THSD7B: variants seen among roughly 807,000 people sequenced by gnomAD.
The protein encoded by THSD7B is thrombospondin type 1 domain containing 7B, also known as thrombospondin type-1 domain-containing protein 7B.
A neutral mutation model predicts 213.6 loss-of-function variants in THSD7B; 138 were observed. The observed-to-expected ratio is 0.65, with a 90% confidence interval of 0.56 to 0.74. The LOEUF (loss-of-function observed/expected upper bound fraction) is 0.74, where lower values mean the gene tolerates loss of function less well. THSD7B is among the 30% of genes least tolerant of loss of function. The pLI, the probability that THSD7B is intolerant of heterozygous loss-of-function variation, is 0.00. For missense variants in THSD7B, 1,931 were observed against 1,991.5 expected, an observed-to-expected ratio of 0.97 and a Z score of 0.58; for synonymous variants, 742 against 687.0, an observed-to-expected ratio of 1.08 and a Z score of -1.25.
At chr2:137,670,267 T>C (rs1683533990) in intron 27 of THSD7B, among the ~76,000 whole-genome samples, 1 of 152,150 alleles carries the variant, frequency 6.6e-6, no homozygotes, top group African/African-American at 2.4e-5. Flanking sequence ...GGATCAGCCC[T>C]TTCCTACTCA....
At chr2:137,183,261 T>A (rs1680489066) in intron 7 of THSD7B, among the ~76,000 whole-genome samples, 1 of 152,146 alleles carries the variant, frequency 6.6e-6, no homozygotes, top group Admixed American at 6.6e-5. Flanking sequence ...CCCTGTGCAC[T>A]GCCCCAATGT....
At chr2:137,314,587 T>G (rs375409205) in intron 12 of THSD7B, among the ~76,000 whole-genome samples, 2 of 152,236 alleles carry the variant, frequency 1.3e-5, no homozygotes, top group Admixed American at 6.5e-5. Flanking sequence ...GGTGCTCTGC[T>G]TTTTAGAGTT....
intron 1 of THSD7B, among the ~76,000 whole-genome samples, chr2:136,818,631 G>C (rs1350825756): frequency 3.3e-5 from 5 of 152,166 alleles, no homozygotes; most frequent in Admixed American, 2.0e-4. Flanking sequence ...CCTGGAATGG[G>C]TTAGGAATTG....
rs72977515 is a variant in THSD7B, at chr2:136,826,630, T to C, written c.-35-55514T>C. On this transcript the variant is annotated intron_variant, in intron 1 of 27. Coordinates refer to ENST00000409968, the MANE Select transcript of THSD7B (RefSeq NM_001316349.2). ...CTTTTGTCCTAGCAAGAGCTAAAGT[T>C]AGATTCTTCATTCATGATGCCTGGC... Among the ~76,000 whole-genome samples the C allele has an allele frequency of 8.6e-3, 1,304 of 152,288 alleles. 25 individuals carry two copies. The highest frequency in any genetic ancestry group is 0.03 in the African/African-American group (1,256 of 41,558).
intron 2 of THSD7B, among the ~76,000 whole-genome samples, chr2:136,933,203 C>T (rs1220381658): frequency 7.0e-6 from 1 of 143,558 alleles, no homozygotes; most frequent in East Asian, 2.0e-4. Flanking sequence ...TTCTGTAATA[C>T]ATTTTCAAGT....
intron 17 of THSD7B, among the ~76,000 whole-genome samples, chr2:137,598,796 A>G (rs1005771639): frequency 2.6e-5 from 4 of 152,000 alleles, no homozygotes; most frequent in African/African-American, 9.7e-5. Flanking sequence ...ATGATTTGCA[A>G]CCCTTGAAAG....
intron 2 of THSD7B, among the ~76,000 whole-genome samples, chr2:136,902,513 C>G (rs1344721147): frequency 6.6e-6 from 1 of 152,204 alleles, no homozygotes; most frequent in East Asian, 1.9e-4. Flanking sequence ...GCCATGCGCC[C>G]TCTGAGTCTG....
intron 20 of THSD7B, among the ~76,000 whole-genome samples, chr2:137,638,895 A>G (rs1305910143): frequency 6.6e-6 from 1 of 152,212 alleles, no homozygotes; most frequent in Admixed American, 6.5e-5. Context: ...TCTAAGCAGC[A>G]AAGCATTCAA....
At chr2:137,410,561 G>A (rs1326473708) in intron 13 of THSD7B, among the ~76,000 whole-genome samples, 1 of 152,112 alleles carries the variant, frequency 6.6e-6, no homozygotes, top group Non-Finnish European at 1.5e-5. Context: ...GAGCCACCAT[G>A]CCCAGCTTAG....
chr2:137,287,224 T>TA (rs970874643), intron 12 of THSD7B, among the ~76,000 whole-genome samples: 2 of 152,060 alleles, frequency 1.3e-5, no homozygotes, highest in African/African-American at 4.8e-5. Context: ...TTAAGGAACT[T>TA]AAAAAAATCT....
chr2:137,157,826 T>TA (rs1484696799), intron 5 of THSD7B, among the ~76,000 whole-genome samples: 9 of 152,336 alleles, frequency 5.9e-5, no homozygotes, highest in African/African-American at 2.2e-4. Context: ...ATAAGTGGGT[T>TA]ATAACTAGTG....
chr2:136,988,720 T>C (rs1403249200), intron 2 of THSD7B, among the ~76,000 whole-genome samples: 1 of 152,256 alleles, frequency 6.6e-6, no homozygotes, highest in Admixed American at 6.5e-5. Context: ...TTTATTTTTC[T>C]GTTTTCCATT....
chr2:137,355,461 C>T (rs184295363), intron 12 of THSD7B, among the ~76,000 whole-genome samples: 1 of 152,200 alleles, frequency 6.6e-6, no homozygotes, highest in East Asian at 1.9e-4. Context: ...CGTCGTAACA[C>T]CTATCTATTC....
intron 3 of THSD7B, among the ~76,000 whole-genome samples, chr2:137,079,207 TTCTCTA>T (rs1206585837): frequency 2.0e-5 from 3 of 152,072 alleles, no homozygotes; most frequent in African/African-American, 7.3e-5. Context: ...AGAAGATATA[TTCTCTA>T]TTATCGATGT....
chr2:136,870,036 C>G (rs898443191), intron 1 of THSD7B, among the ~76,000 whole-genome samples: 1 of 146,054 alleles, frequency 6.8e-6, no homozygotes, highest in Non-Finnish European at 1.5e-5. Context: ...CACACCACTG[C>G]ACTCCGGGCT....
At chr2:137,361,078 C>T (rs111716006) in intron 12 of THSD7B, among the ~76,000 whole-genome samples, 3 of 152,168 alleles carry the variant, frequency 2.0e-5, no homozygotes, top group African/African-American at 7.2e-5. Flanking sequence ...TAGTGATACC[C>T]AGGCACACAG....
chr2:137,188,379 GA>G (rs1680592337), intron 7 of THSD7B, among the ~76,000 whole-genome samples: 2 of 152,102 alleles, frequency 1.3e-5, no homozygotes, highest in South Asian at 4.1e-4. Context: ...ACTCTATCTG[GA>G]AGTCTTCTAA....
intron 3 of THSD7B, among the ~76,000 whole-genome samples, chr2:137,073,023 T>A (rs1454522768): frequency 1.3e-5 from 2 of 152,172 alleles, no homozygotes; most frequent in African/African-American, 4.8e-5. Context: ...TTATTGAGGA[T>A]TTTTGCATCA....
At chr2:137,093,032 C>T (rs1687978817) in intron 3 of THSD7B, among the ~76,000 whole-genome samples, 1 of 152,144 alleles carries the variant, frequency 6.6e-6, no homozygotes, top group African/African-American at 2.4e-5. Flanking sequence ...TTACATTCTT[C>T]GAATATTATC....
Sources: allele counts gnomAD v4.1 joint callset (sites outside exome capture counted in the v4.1 genomes callset), GRCh38; gene constraint gnomAD v4.1.1; transcripts MANE v1.5; gene names NCBI Gene and HGNC (gene_info 2026-07-23, HGNC 2026-07-21).